Variants in PPIL3 observed in about 807,000 individuals in gnomAD.
PPIL3 encodes the protein peptidylprolyl isomerase like 3.
PPIL3 carries 13 observed loss-of-function variants against 20.9 expected under a neutral mutation model. The observed-to-expected ratio is 0.62, with a 90% CI of 0.40 to 0.99. The LOEUF (loss-of-function observed/expected upper bound fraction) is 0.99, where lower values mean the gene tolerates loss of function less well. Ranked by LOEUF, PPIL3 falls within the 50% of genes least tolerant of loss-of-function variation. PPIL3 has a pLI of 0.00. For missense variants in PPIL3, 170 were observed against 195.2 expected, an observed-to-expected ratio of 0.87 and a Z score of 0.77; for synonymous variants, 71 against 64.4, an observed-to-expected ratio of 1.10 and a Z score of -0.49.
At chr2:200,887,763 A>G in intron 1 of PPIL3, 78 bp from the exon 2 acceptor site, 2 of 592,126 alleles carry the variant, frequency 3.4e-6, no homozygotes, top group East Asian at 6.1e-5. Flanking sequence ...TGAACATTTT[A>G]AATAAAAACC....
intron 5 of PPIL3, 87 bp from the exon 6 acceptor site, chr2:200,877,124 T>C: frequency 1.1e-6 from 1 of 920,116 alleles, no homozygotes; most frequent in Non-Finnish European, 1.8e-6. Flanking sequence ...CACCTTTGTT[T>C]TCTTTTTTAA....
intron 5 of PPIL3, among the ~76,000 whole-genome samples, chr2:200,881,194 C>T (rs1055813124): frequency 4.6e-5 from 7 of 152,192 alleles, no homozygotes; most frequent in Admixed American, 1.3e-4. Context: ...CAAAGATGAA[C>T]TCACTTACTA....
rs775889157 is a variant in PPIL3, at chr2:200,885,759, T to G, written c.17A>C (p.His6Pro). 2 of 1,589,836 alleles carry G rather than the reference T, an allele frequency of 1.3e-6. No homozygotes were observed. The highest frequency in any genetic ancestry group is 8.6e-7 in the Non-Finnish European group (1 of 1,161,542). Residue 6 changes from histidine to proline, a missense_variant, in exon 3 of 7, where the codon CAT becomes CCT. His to Pro is a moderately conservative substitution (Grantham distance 77). Transcript: ENST00000392283. ...AATTTTAATATCACCTACATCTGTA[T>G]GCAGTGTCACAGACTAAAAAGGAGA... MSVTL[H>P]TDVGDIKIEV...
At chr2:200,885,819 A>G (rs1354395003) in intron 2 of PPIL3, 47 bp from the exon 3 acceptor site, 3 of 1,158,150 alleles carry the variant, frequency 2.6e-6, no homozygotes, top group Non-Finnish European at 3.8e-6. Context: ...TATTTAGGTG[A>G]CTTTATGCAT....
chr2:200,887,802 A>C, intron 1 of PPIL3, 117 bp from the exon 2 acceptor site: 1 of 426,912 alleles, frequency 2.3e-6, no homozygotes, highest in Non-Finnish European at 4.1e-6. Context: ...CACGCCTATA[A>C]TCCTAACACT....
intron 6 of PPIL3, among the ~76,000 whole-genome samples, chr2:200,873,342 C>T (rs563477316): frequency 1.1e-4 from 16 of 151,740 alleles, no homozygotes; most frequent in Non-Finnish European, 2.2e-4. Context: ...GGCACATGCC[C>T]CCATGCCCAG....
chr2:200,874,077 C>A lies in PPIL3; in HGVS notation c.360-2556G>T, dbSNP rs184272351. Among the ~76,000 whole-genome samples the A allele has an allele frequency of 7.5e-4, 113 of 151,566 alleles. No homozygotes were observed. In the East Asian group the frequency reaches 0.02, roughly 27 times the overall value. ...AAAATTAGCCGGGCGCGGTGGCGGG[C>A]GCCTGTAGTCCCAGCTACTTGGGAG... On this transcript the variant is annotated intron_variant, in intron 6 of 6. Transcript: ENST00000392283.
chr2:200,877,693 C>A (rs1230204642), intron 5 of PPIL3: 1 of 152,110 alleles, frequency 6.6e-6, no homozygotes, highest in East Asian at 1.9e-4. Context: ...GACAATTGGG[C>A]AGAATGTAAA....
chr2:200,877,051 A>G lies in PPIL3; in HGVS notation c.241-14T>C. On this transcript the variant is annotated splice_polypyrimidine_tract_variant and intron_variant, in intron 5 of 6. Transcript: ENST00000392283. ...TCTAACATTGTGCTGAAAAAGACACATCAAAGTATTAACTGTGTTTTTATA... is the reference window on the plus strand; with the variant it reads ...TCTAACATTGTGCTGAAAAAGACACGTCAAAGTATTAACTGTGTTTTTATA... 1 of 1,492,286 alleles carries G rather than the reference A, an allele frequency of 6.7e-7. No individual in the cohort carries two copies. 92.4% of individuals were successfully genotyped at this position (1,492,286 alleles called of 1,614,324 possible).
intron 3 of PPIL3, among the ~76,000 whole-genome samples, chr2:200,882,681 G>A (rs369008491): frequency 1.3e-5 from 2 of 151,990 alleles, no homozygotes; most frequent in South Asian, 2.1e-4. Flanking sequence ...AGGCCGAGGT[G>A]GGTGGATCAC....
intron 1 of PPIL3, among the ~76,000 whole-genome samples, chr2:200,887,892 A>G (rs1438777835): frequency 6.6e-6 from 1 of 151,896 alleles, no homozygotes; most frequent in Non-Finnish European, 1.5e-5. Context: ...CCCCGTCTCT[A>G]CTAAAAACAC....
rs2039292397 is a variant in PPIL3 at position 200,871,205 on chromosome 2, TA to T, written c.*189del. ...TTAAAGAAATATGTTGGATAATCAT[TA>T]TAATAAAGAATATGCTCTAAGAATG... is the stretch of plus-strand genomic sequence containing the variant. On this transcript the variant is annotated 3_prime_UTR_variant, in exon 7 of 7. Transcript: ENST00000392283. 9.1e-6 allele frequency: 4 copies of T among 438,292 alleles called. No homozygotes were observed. In the East Asian group the frequency reaches 1.4e-4, roughly 15 times the overall value. The allele number at this position is 438,292 out of a possible 1,614,324, so 27.2% of individuals were successfully genotyped here.
intron 5 of PPIL3, among the ~76,000 whole-genome samples, chr2:200,879,643 T>G (rs926508200): frequency 2.6e-5 from 4 of 152,166 alleles, no homozygotes; most frequent in Admixed American, 1.3e-4. Context: ...CAGACCAGAC[T>G]GGGCAACAGA....
chr2:200,875,487 T>C (rs894121279), intron 6 of PPIL3, among the ~76,000 whole-genome samples: 22 of 152,078 alleles, frequency 1.4e-4, no homozygotes, highest in African/African-American at 3.9e-4. Context: ...TGGATGGTCT[T>C]GATCTCCTGA....
intron 5 of PPIL3, among the ~76,000 whole-genome samples, chr2:200,879,075 G>A (rs1344373324): frequency 6.6e-6 from 1 of 151,450 alleles, no homozygotes; most frequent in East Asian, 1.9e-4. Flanking sequence ...TATATGAAGA[G>A]TCAATACATA....
chr2:200,884,480 A>G (rs2039855579), intron 3 of PPIL3, among the ~76,000 whole-genome samples: 4 of 152,138 alleles, frequency 2.6e-5, no homozygotes, highest in African/African-American at 9.6e-5. Flanking sequence ...GCTCACGCCT[A>G]TAATTCCAAT....
intron 6 of PPIL3, among the ~76,000 whole-genome samples, chr2:200,876,595 G>A (rs2039526594): frequency 6.7e-6 from 1 of 148,760 alleles, no homozygotes; most frequent in Non-Finnish European, 1.5e-5. Context: ...ACGGCTCACT[G>A]TAACTTCCGC....
rs557900557 is a variant in PPIL3, at chr2:200,881,545, C to T, written c.173-57G>A. ...TATTTAATTAAATTGAAAACAAGTT[C>T]ATTTCCCAAAACTTAAGGAATACTT... On this transcript the variant is annotated intron_variant, in intron 4 of 6. Transcript: ENST00000392283. 2,223 of 1,448,896 alleles carry T rather than the reference C, an allele frequency of 1.5e-3. 10 individuals are homozygous for T. The highest frequency in any genetic ancestry group is 2.3e-3 in the South Asian group (199 of 85,552). 89.8% of individuals were successfully genotyped at this position (1,448,896 alleles called of 1,614,324 possible). A position where few individuals can be genotyped will look rare whatever the true frequency, so the allele number is the denominator to read the frequency against.
At chr2:200,884,620 G>A (rs2124827208) in intron 3 of PPIL3, among the ~76,000 whole-genome samples, 1 of 151,546 alleles carries the variant, frequency 6.6e-6, no homozygotes. Flanking sequence ...CACGCCTGTA[G>A]TCCTATCTAC....
Sources: gnomAD v4.1 joint callset for allele counts (sites outside exome capture counted in the v4.1 genomes callset) on GRCh38, gnomAD v4.1.1 for gene constraint, MANE v1.5 for transcripts, NCBI Gene and HGNC (gene_info 2026-07-23, HGNC 2026-07-21) for gene names.